The following CD8B variants were observed in gnomAD, a reference collection of about 807,000 sequenced individuals.
CD8B encodes T-cell surface glycoprotein CD8 beta chain.
A neutral mutation model predicts 24.2 loss-of-function variants in CD8B; 6 were observed. That is an observed-to-expected ratio of 0.25 (90% CI 0.14 to 0.49). CD8B has a LOEUF of 0.49. CD8B is among the 20% of genes least tolerant of loss of function. The pLI, the probability that CD8B is intolerant of heterozygous loss-of-function variation, is 0.98. For synonymous variants in CD8B, 84 were observed against 108.3 expected (o/e 0.78, Z 1.39); for missense variants, 196 against 271.3 (o/e 0.72, Z 1.95).
rs559567076 is a variant in CD8B at position 86,859,641 on chromosome 2, C to T, written c.44-1225G>A. On this transcript the variant is annotated intron_variant, in intron 1 of 5. Coordinates refer to ENST00000390655, the MANE Select transcript of CD8B (RefSeq NM_004931.5). ...GAGAAGGATCAGAACAGGTTCCATA[C>T]ACACCAAGGCTGCACAGCTTCCAAC... is the stretch of plus-strand genomic sequence containing the variant. Among the ~76,000 whole-genome samples the T allele has an allele frequency of 1.9e-4, 29 of 152,078 alleles. No individual in the cohort carries two copies. In the South Asian group the frequency reaches 3.5e-3, roughly 18 times the overall value.
Position 86,838,879 on chromosome 2 carries a change from C to G in CD8B, c.*3428G>C, listed in dbSNP as rs1675292631. On this transcript the variant is annotated 3_prime_UTR_variant, in exon 6 of 6. Transcript: ENST00000390655. ...TACTTGGATTTTAAAAAGTCTCTTT[C>G]TTGAAGTATAATTTACATCTATATC... Among the ~76,000 whole-genome samples the G allele has an allele frequency of 6.6e-6, 1 of 152,166 alleles. No homozygotes were observed. The highest frequency in any genetic ancestry group is 1.5e-5 in the Non-Finnish European group (1 of 68,014).
rs1025795114 is a variant in CD8B at position 86,839,906 on chromosome 2, A to T, written c.*2401T>A. ...GGTGAGGGGCCCACCTGAAACACGA[A>T]CCCTAGAGGAGTCTGGTCCAGCTGA... On this transcript the variant is annotated 3_prime_UTR_variant, in exon 6 of 6. Transcript: ENST00000390655. Among the ~76,000 whole-genome samples the T allele has an allele frequency of 1.3e-5, 2 of 151,808 alleles. No homozygotes were observed. Among genetic ancestry groups the T allele is most frequent in the Non-Finnish European group, 2.9e-5 (2 of 67,944 alleles).
chr2:86,850,242 C>T (rs956863171), intron 3 of CD8B, among the ~76,000 whole-genome samples: 2 of 152,076 alleles, frequency 1.3e-5, no homozygotes, highest in African/African-American at 4.8e-5. Context: ...CCAACGACAC[C>T]CCCAGCCCAG....
chr2:86,822,193 A>C, intron 5 of CD8B: 1 of 578,460 alleles, frequency 1.7e-6, no homozygotes. Context: ...ACACAAAATT[A>C]TATCAGTGCT....
chr2:86,817,054 TAAAAAGATGCC>T (rs1307956253), intron 5 of CD8B, among the ~76,000 whole-genome samples: 1 of 148,710 alleles, frequency 6.7e-6, no homozygotes, highest in African/African-American at 2.6e-5. Flanking sequence ...AATATCCAAA[TAAAAAGATGCC>T]AAACATTACT....
exon 6 of CD8B, chr2:86,815,656 T>G (rs1031932537): frequency 6.2e-7 from 1 of 1,613,822 alleles, no homozygotes. Context: ...GGTTGTAGTA[T>G]TGCTGTAGTA....
intron 5 of CD8B, among the ~76,000 whole-genome samples, chr2:86,824,977 A>G (rs1040314411): frequency 2.0e-5 from 3 of 152,214 alleles, no homozygotes; most frequent in Non-Finnish European, 4.4e-5. Context: ...AATGCCAATA[A>G]ATAATGATGA....
chr2:86,834,228 G>A (rs1384498255), downstream of CD8B, among the ~76,000 whole-genome samples: 1 of 151,950 alleles, frequency 6.6e-6, no homozygotes, highest in African/African-American at 2.4e-5. Flanking sequence ...AAGCTGTAGC[G>A]CTCGCTTATT....
chr2:86,821,076 C>T (rs998054999), intron 5 of CD8B, among the ~76,000 whole-genome samples: 2 of 151,840 alleles, frequency 1.3e-5, no homozygotes, highest in East Asian at 1.9e-4. Flanking sequence ...GAACCACAGG[C>T]GGTGTAGCTG....
intron 5 of CD8B, among the ~76,000 whole-genome samples, chr2:86,820,164 T>G (rs913816034): frequency 6.6e-6 from 1 of 152,234 alleles, no homozygotes; most frequent in Non-Finnish European, 1.5e-5. Flanking sequence ...GGTGTGAACA[T>G]TGTTGAAATG....
chr2:86,846,507 CTT>C (rs1372462558), intron 4 of CD8B, among the ~76,000 whole-genome samples, 175 bp downstream of exon 4: 6 of 152,196 alleles, frequency 3.9e-5, no homozygotes, highest in African/African-American at 1.4e-4. Context: ...ACAGGGTAGT[CTT>C]TGGTTTTGGC....
chr2:86,822,174 A>G (rs1674504813), intron 5 of CD8B: 1 of 553,480 alleles, frequency 1.8e-6, no homozygotes, highest in African/African-American at 1.9e-5. Flanking sequence ...AAAGTGCTGC[A>G]ATCTTCTAAC....
chr2:86,827,621 CAAA>C (rs61256363), intron 5 of CD8B, among the ~76,000 whole-genome samples: 22 of 126,284 alleles, frequency 1.7e-4, no homozygotes, highest in Non-Finnish European at 1.7e-4. Context: ...GACCCTATCT[CAAA>C]AAAAAAAAAA....
At chr2:86,817,337 G>C (rs1259579917) in intron 5 of CD8B, among the ~76,000 whole-genome samples, 2 of 152,086 alleles carry the variant, frequency 1.3e-5, no homozygotes, top group Non-Finnish European at 2.9e-5. Context: ...ATGTATAAGA[G>C]TGTTCACAGA....
intron 3 of CD8B, among the ~76,000 whole-genome samples, chr2:86,849,136 C>G (rs1375161202): frequency 6.6e-6 from 1 of 152,292 alleles, no homozygotes; most frequent in Admixed American, 6.5e-5. Context: ...GGTGTGGACA[C>G]AGATCCTCCG....
chr2:86,825,857 A>T (rs1445852311), intron 5 of CD8B, among the ~76,000 whole-genome samples: 1 of 152,002 alleles, frequency 6.6e-6, no homozygotes, highest in Non-Finnish European at 1.5e-5. Context: ...GTCCTACCTG[A>T]CTGTAACAGG....
At chr2:86,837,775 A>G (rs1208018248), downstream of CD8B, among the ~76,000 whole-genome samples, 3 of 112,486 alleles carry the variant, frequency 2.7e-5, no homozygotes, top group South Asian at 3.5e-4. Flanking sequence ...CCTGCAGGCT[A>G]CTTCCCACTG....
chr2:86,857,112 A>C (rs1450534361), intron 2 of CD8B, among the ~76,000 whole-genome samples: 1 of 151,986 alleles, frequency 6.6e-6, no homozygotes, highest in South Asian at 2.1e-4. Context: ...CGTGTGACAC[A>C]GAAGAGAACA....
intron 3 of CD8B, 100 bp downstream of exon 3, chr2:86,852,897 T>C: frequency 6.9e-7 from 1 of 1,441,048 alleles, no homozygotes; most frequent in Non-Finnish European, 9.4e-7. Flanking sequence ...GGCTCTAGAG[T>C]TGACACTTGG....
Sources: allele counts gnomAD v4.1 joint callset (sites outside exome capture counted in the v4.1 genomes callset), GRCh38; gene constraint gnomAD v4.1.1; transcripts MANE v1.5; gene names NCBI Gene and HGNC (gene_info 2026-07-23, HGNC 2026-07-21).